Variants in ACYP2 observed in about 807,000 individuals in gnomAD.
The protein encoded by ACYP2 is acylphosphatase 2, also known as acylphosphatase-2.
Under a neutral mutation model 11.2 loss-of-function variants are expected in ACYP2, and 12 were observed. The observed-to-expected ratio is 1.08, with a 90% confidence interval of 0.69 to 1.74. The LOEUF is 1.74. Among genes scored for constraint, ACYP2 ranks in the 40% most tolerant of loss-of-function variants. ACYP2 has a pLI of 0.00. For synonymous variants in ACYP2, 43 were observed against 32.2 expected (o/e 1.33, Z -1.13); for missense variants, 134 against 101.9 (o/e 1.31, Z -1.35).
chr2:54,254,149 T>C (rs1024716723), intron 6 of ACYP2: 9 of 152,222 alleles, frequency 5.9e-5, no homozygotes, highest in Middle Eastern at 3.2e-3. Flanking sequence ...GGGTCTGACA[T>C]GTCCCCTCAA....
chr2:54,036,841 A>G (rs1674927283), intron 2 of ACYP2, among the ~76,000 whole-genome samples: 2 of 152,130 alleles, frequency 1.3e-5, no homozygotes, highest in South Asian at 4.1e-4. Context: ...TCTGGACCAT[A>G]TCCTGAAAAC....
intron 6 of ACYP2, among the ~76,000 whole-genome samples, chr2:54,243,959 T>C (rs892132461): frequency 3.3e-5 from 5 of 152,156 alleles, no homozygotes; most frequent in Admixed American, 3.3e-4. Context: ...AAGTCTTTTA[T>C]GTCTCCAGAT....
At chr2:54,207,175 G>A (rs867372259) in intron 6 of ACYP2, among the ~76,000 whole-genome samples, 8 of 136,130 alleles carry the variant, frequency 5.9e-5, no homozygotes, top group Non-Finnish European at 1.1e-4. Flanking sequence ...ACATGTATAT[G>A]TGTGTGTGTG....
At chr2:54,188,022 C>A (rs191195304) in intron 6 of ACYP2, among the ~76,000 whole-genome samples, 3 of 152,148 alleles carry the variant, frequency 2.0e-5, no homozygotes, top group South Asian at 4.1e-4. Flanking sequence ...GCAGAGAGAC[C>A]GGGCACAAAC....
At chr2:54,263,999 A>C (rs1573014496) in intron 6 of ACYP2, among the ~76,000 whole-genome samples, 1 of 152,262 alleles carries the variant, frequency 6.6e-6, no homozygotes, top group South Asian at 2.1e-4. Flanking sequence ...GGTGAATGAA[A>C]CAGGCATGGA....
intron 4 of ACYP2, among the ~76,000 whole-genome samples, chr2:54,068,045 G>A (rs1014644146): frequency 1.3e-5 from 2 of 152,182 alleles, no homozygotes; most frequent in African/African-American, 4.8e-5. Context: ...CATGGCAGTC[G>A]TCCAGTTGGA....
intron 6 of ACYP2, among the ~76,000 whole-genome samples, chr2:54,186,884 C>T (rs1684028459): frequency 6.6e-6 from 1 of 151,706 alleles, no homozygotes; most frequent in African/African-American, 2.4e-5. Flanking sequence ...AAATAAATTA[C>T]AATATACTAT....
intron 6 of ACYP2, among the ~76,000 whole-genome samples, chr2:54,238,067 T>C (rs1416659986): frequency 6.6e-6 from 1 of 152,226 alleles, no homozygotes; most frequent in Non-Finnish European, 1.5e-5. Flanking sequence ...TAAGACTCAT[T>C]CCCTTACATG....
At position 53,989,277 on chromosome 2, in the gene ACYP2, CTTTTT is replaced by C. The variant is rs775237196; in HGVS notation, c.62+15486_62+15490del. Among the ~76,000 whole-genome samples, 355 of 94,810 alleles carry C rather than the reference CTTTTT, an allele frequency of 3.7e-3. 3 individuals are homozygous for C. Among genetic ancestry groups the C allele is most frequent in the Non-Finnish European group, 6.1e-3 (303 of 49,358 alleles). The allele number at this position is 94,810 out of a possible 152,430, so 62.2% of individuals were successfully genotyped here. On this transcript the variant is annotated intron_variant, in intron 2 of 6. Coordinates refer to ENST00000607452, the MANE Select transcript of ACYP2 (RefSeq NM_001320586.2). Reference sequence around the variant, plus strand: ...CAAAAAGTCAGATTGGTAGACAATTCTTTTTTTTTTTTTTTTTTTTTTTCACAGAC... The same window carrying C: ...CAAAAAGTCAGATTGGTAGACAATTCTTTTTTTTTTTTTTTTTTCACAGAC...
At chr2:54,233,004 A>AT (rs536849675) in intron 6 of ACYP2, among the ~76,000 whole-genome samples, 249 of 152,036 alleles carry the variant, frequency 1.6e-3, no homozygotes, top group Non-Finnish European at 2.7e-3. Flanking sequence ...TTCTTTTAAA[A>AT]TTTTTTTATC....
chr2:54,100,344 C>A (rs1350977130), intron 4 of ACYP2, among the ~76,000 whole-genome samples: 1 of 148,150 alleles, frequency 6.7e-6, no homozygotes, highest in African/African-American at 2.5e-5. Context: ...GCTCTGTTGC[C>A]TAGGCTGAAG....
chr2:54,248,661 C>A (rs1382032777), intron 6 of ACYP2, among the ~76,000 whole-genome samples: 2 of 152,140 alleles, frequency 1.3e-5, no homozygotes, highest in Non-Finnish European at 2.9e-5. Context: ...CTATGCTAGA[C>A]TGTAGGCTGC....
intron 2 of ACYP2, among the ~76,000 whole-genome samples, chr2:53,997,853 A>G (rs1226262020): frequency 2.0e-5 from 3 of 152,134 alleles, no homozygotes; most frequent in Non-Finnish European, 4.4e-5. Context: ...AAAACACTCC[A>G]TGTGACTGTT....
At chr2:54,032,332 C>G (rs999176306) in intron 2 of ACYP2, among the ~76,000 whole-genome samples, 1 of 152,194 alleles carries the variant, frequency 6.6e-6, no homozygotes, top group Non-Finnish European at 1.5e-5. Context: ...CCAGTTTCAG[C>G]TTTCTACTTA....
At chr2:54,296,503 G>A (rs1459266624) in intron 6 of ACYP2, among the ~76,000 whole-genome samples, 3 of 151,978 alleles carry the variant, frequency 2.0e-5, no homozygotes, top group African/African-American at 2.4e-5. Flanking sequence ...ATTTCTTAAC[G>A]CAAAGGTGGG....
intron 6 of ACYP2, chr2:54,267,314 A>T (rs774898382): frequency 1.2e-5 from 19 of 1,548,532 alleles, no homozygotes; most frequent in Admixed American, 7.9e-5. Flanking sequence ...CAGCTCCGGA[A>T]GCTGGGTGAA....
At chr2:54,093,858 T>C (rs1198673655) in intron 4 of ACYP2, among the ~76,000 whole-genome samples, 1 of 152,140 alleles carries the variant, frequency 6.6e-6, no homozygotes, top group Non-Finnish European at 1.5e-5. Context: ...GAGAATGACA[T>C]GAACCTGGGA....
intron 4 of ACYP2, among the ~76,000 whole-genome samples, chr2:54,109,382 T>A (rs941385568): frequency 1.3e-5 from 2 of 151,494 alleles, no homozygotes; most frequent in Admixed American, 6.6e-5. Flanking sequence ...GGCATAAAAA[T>A]GACACAGTGG....
intron 6 of ACYP2, among the ~76,000 whole-genome samples, chr2:54,149,751 C>T (rs1682060720): frequency 6.6e-6 from 1 of 152,142 alleles, no homozygotes; most frequent in Non-Finnish European, 1.5e-5. Flanking sequence ...CAGTCCTCTG[C>T]ACTTCAAAGG....
Sources: gnomAD v4.1 joint callset for allele counts (sites outside exome capture counted in the v4.1 genomes callset) on GRCh38, gnomAD v4.1.1 for gene constraint, MANE v1.5 for transcripts, NCBI Gene and HGNC (gene_info 2026-07-23, HGNC 2026-07-21) for gene names.